NRG2: variants seen among roughly 807,000 people sequenced by gnomAD.
NRG2 encodes the protein pro-neuregulin-2, membrane-bound isoform.
NRG2 carries 27 observed loss-of-function variants against 73.9 expected under a neutral mutation model. The ratio of observed to expected loss-of-function variants is 0.37; its 90% CI spans 0.27 to 0.50. The LOEUF (loss-of-function observed/expected upper bound fraction) is 0.50. NRG2 is among the 20% of genes least tolerant of loss of function. The pLI, the probability that NRG2 is intolerant of heterozygous loss-of-function variation, is 0.96. For missense variants in NRG2, 1,126 were observed against 1,210.1 expected, an observed-to-expected ratio of 0.93 and a Z score of 1.03; for synonymous variants, 532 against 541.0, an observed-to-expected ratio of 0.98 and a Z score of 0.23.
intron 1 of NRG2, among the ~76,000 whole-genome samples, chr5:139,955,341 G>A (rs1442184372): frequency 1.3e-5 from 2 of 152,112 alleles, no homozygotes; most frequent in Admixed American, 6.5e-5. Flanking sequence ...GCAGAGAGGA[G>A]GAGCAGCAGC....
intron 1 of NRG2, among the ~76,000 whole-genome samples, chr5:139,949,197 CCT>C (rs1178966141): frequency 6.6e-6 from 1 of 152,090 alleles, no homozygotes. Flanking sequence ...CCCCATCTTT[CCT>C]CTCTCAAATT....
chr5:139,953,549 C>T (rs1754390777), intron 1 of NRG2, among the ~76,000 whole-genome samples: 1 of 152,174 alleles, frequency 6.6e-6, no homozygotes. Flanking sequence ...CAACGCAAGG[C>T]TATCAGGGCT....
chr5:139,945,481 G>C (rs905197127), intron 1 of NRG2, among the ~76,000 whole-genome samples: 2 of 151,968 alleles, frequency 1.3e-5, no homozygotes, highest in Non-Finnish European at 2.9e-5. Context: ...GTTTATTTCT[G>C]GTTCTCTGTT....
chr5:139,858,807 TCACAGACCCCA>T lies in NRG2; in HGVS notation c.1190-3040_1190-3030del, dbSNP rs2127023851. Among the ~76,000 whole-genome samples, 3 of 152,220 alleles carry T rather than the reference TCACAGACCCCA, an allele frequency of 2.0e-5. No homozygotes were observed. In the South Asian group the frequency reaches 6.2e-4, roughly 32 times the overall value. On this transcript the variant is annotated intron_variant, in intron 5 of 9. Transcript: ENST00000361474. ...TTCACGCCTGTGCACCCTGCCACCA[TCACAGACCCCA>T]CACGGACTCAATGCCTCTCCCACAA...
At chr5:139,897,713 G>A (rs1290016127) in intron 1 of NRG2, among the ~76,000 whole-genome samples, 3 of 152,158 alleles carry the variant, frequency 2.0e-5, no homozygotes, top group Admixed American at 2.0e-4. Flanking sequence ...ACTCGCTGGA[G>A]GGTGGGATCC....
intron 1 of NRG2, among the ~76,000 whole-genome samples, chr5:140,012,178 A>T (rs559051838): frequency 2.0e-5 from 3 of 152,040 alleles, no homozygotes; most frequent in Non-Finnish European, 4.4e-5. Flanking sequence ...ATTAACTTTG[A>T]CTTGTTCTTC....
chr5:139,994,183 G>A (rs1220441713), intron 1 of NRG2, among the ~76,000 whole-genome samples: 4 of 152,114 alleles, frequency 2.6e-5, no homozygotes, highest in South Asian at 2.1e-4. Flanking sequence ...TCATAAGAAC[G>A]ATACCTGCAT....
At chr5:139,950,917 C>A (rs1163272706) in intron 1 of NRG2, among the ~76,000 whole-genome samples, 1 of 152,222 alleles carries the variant, frequency 6.6e-6, no homozygotes, top group Non-Finnish European at 1.5e-5. Flanking sequence ...TGACTACTAG[C>A]CCAGTCAGTA....
At chr5:139,949,159 A>G (rs943484952) in intron 1 of NRG2, among the ~76,000 whole-genome samples, 1 of 152,206 alleles carries the variant, frequency 6.6e-6, no homozygotes, top group African/African-American at 2.4e-5. Context: ...GGGAGAAAGA[A>G]GCTGCATATT....
At chr5:139,891,117 A>G (rs1764185730) in intron 1 of NRG2, among the ~76,000 whole-genome samples, 1 of 152,212 alleles carries the variant, frequency 6.6e-6, no homozygotes, top group Non-Finnish European at 1.5e-5. Flanking sequence ...CTTCCCTCCC[A>G]ACAAGATGGT....
chr5:139,993,116 G>T (rs1194397659), intron 1 of NRG2, among the ~76,000 whole-genome samples: 1 of 152,008 alleles, frequency 6.6e-6, no homozygotes, highest in Admixed American at 6.6e-5. Flanking sequence ...TGTGTGTGGT[G>T]TGTGTGTGGT....
chr5:139,949,547 T>C (rs886111302), intron 1 of NRG2, among the ~76,000 whole-genome samples: 6 of 152,194 alleles, frequency 3.9e-5, no homozygotes, highest in East Asian at 1.9e-4. Flanking sequence ...ATTAGAAACA[T>C]TTTGATGTAC....
chr5:139,934,709 C>T (rs1752715561), intron 1 of NRG2, among the ~76,000 whole-genome samples: 1 of 152,074 alleles, frequency 6.6e-6, no homozygotes, highest in Admixed American at 6.5e-5. Context: ...AAAGACCAAA[C>T]AATGTAGGTT....
intron 6 of NRG2, among the ~76,000 whole-genome samples, chr5:139,854,186 G>T (rs1461920919): frequency 6.6e-6 from 1 of 152,220 alleles, no homozygotes; most frequent in Non-Finnish European, 1.5e-5. Flanking sequence ...CTGCCTCCAT[G>T]GTGAGCTTGT....
chr5:140,029,863 G>T (rs1761001016), intron 1 of NRG2, among the ~76,000 whole-genome samples: 1 of 151,984 alleles, frequency 6.6e-6, no homozygotes, highest in African/African-American at 2.4e-5. Flanking sequence ...GAGAAAGAAG[G>T]GAGAGGGGAA....
chr5:139,985,090 A>G (rs1757068657), intron 1 of NRG2, among the ~76,000 whole-genome samples: 1 of 152,162 alleles, frequency 6.6e-6, no homozygotes, highest in African/African-American at 2.4e-5. Context: ...CTGTAATCCC[A>G]GCACTTTGGG....
chr5:139,859,704 T>G (rs977795028), intron 5 of NRG2, among the ~76,000 whole-genome samples: 7 of 152,126 alleles, frequency 4.6e-5, no homozygotes, highest in African/African-American at 9.7e-5. Context: ...TTCATGAGCT[T>G]CTTTCGTCTC....
At chr5:139,918,092 G>A (rs58264219) in intron 1 of NRG2, among the ~76,000 whole-genome samples, 2,479 of 152,154 alleles carry the variant, frequency 0.016, 63 homozygotes, top group African/African-American at 0.056. Context: ...ATTCTTTTGC[G>A]CGTGGATATT....
At chr5:139,971,977 G>A (rs544383188) in intron 1 of NRG2, among the ~76,000 whole-genome samples, 26 of 152,260 alleles carry the variant, frequency 1.7e-4, no homozygotes, top group Non-Finnish European at 2.6e-4. Flanking sequence ...TGCCAGATAC[G>A]AAAATGTATT....
Sources: gnomAD v4.1 joint callset for allele counts (sites outside exome capture counted in the v4.1 genomes callset) on GRCh38, gnomAD v4.1.1 for gene constraint, MANE v1.5 for transcripts, NCBI Gene and HGNC (gene_info 2026-07-23, HGNC 2026-07-21) for gene names.